PSD3: variants seen among roughly 807,000 people sequenced by gnomAD.
PSD3 encodes the protein pleckstrin and Sec7 domain containing 3.
PSD3 carries 49 observed loss-of-function variants against 105.5 expected under a neutral mutation model. The ratio of observed to expected loss-of-function variants is 0.46; its 90% CI spans 0.37 to 0.59. The LOEUF is 0.59. Among genes scored for constraint, PSD3 ranks in the 20% least tolerant of loss-of-function variants. The probability of loss-of-function intolerance (pLI) is 0.00; values close to 1 mark genes in which losing one functional copy is unlikely to be tolerated. For synonymous variants in PSD3, 557 were observed against 457.8 expected (o/e 1.22, Z -2.77); for missense variants, 1,561 against 1,263.8 (o/e 1.24, Z -3.57).
intron 12 of PSD3, among the ~76,000 whole-genome samples, chr8:18,592,416 G>A (rs1443934384): frequency 6.6e-6 from 1 of 152,046 alleles, no homozygotes; most frequent in Non-Finnish European, 1.5e-5. Flanking sequence ...GGAAATCCAA[G>A]AAAGAGCAGA....
chr8:18,987,379 C>G (rs899148491), intron 1 of PSD3, among the ~76,000 whole-genome samples: 1 of 151,892 alleles, frequency 6.6e-6, no homozygotes, highest in African/African-American at 2.4e-5. Context: ...GCTCTGCCTT[C>G]CAGGCTCACG....
intron 2 of PSD3, among the ~76,000 whole-genome samples, chr8:18,878,696 A>T (rs1221130347): frequency 6.6e-6 from 1 of 152,276 alleles, no homozygotes; most frequent in East Asian, 1.9e-4. Context: ...TCCTTAATTA[A>T]GCCTTCCCTT....
intron 12 of PSD3, among the ~76,000 whole-genome samples, chr8:18,581,161 C>T (rs1380776276): frequency 6.6e-6 from 1 of 152,152 alleles, no homozygotes; most frequent in Non-Finnish European, 1.5e-5. Flanking sequence ...ACCCAAATGT[C>T]AACCATGATG....
At chr8:18,912,950 G>A (rs1455546775) in intron 2 of PSD3, among the ~76,000 whole-genome samples, 1 of 151,928 alleles carries the variant, frequency 6.6e-6, no homozygotes, top group Non-Finnish European at 1.5e-5. Context: ...AAGGCACCCA[G>A]GGGATGTAGA....
chr8:18,942,929 C>A (rs1822642360), intron 1 of PSD3, among the ~76,000 whole-genome samples: 1 of 152,136 alleles, frequency 6.6e-6, no homozygotes, highest in African/African-American at 2.4e-5. Flanking sequence ...TTTTAATAAG[C>A]AAAAGGGTCT....
chr8:18,911,451 C>T (rs1563411231), intron 2 of PSD3, among the ~76,000 whole-genome samples: 1 of 152,078 alleles, frequency 6.6e-6, no homozygotes. Context: ...ATGGCAGACC[C>T]GTGACTTCCT....
In PSD3 at chr8:18,872,217, T is replaced by A; in HGVS notation, c.647A>T (p.Asp216Val). ...GTCTCCAGTTAACAGCGCGGTGAGATCTTTCTGGATGCTCAAATAAAAACT... is the reference window on the plus strand; with the variant it reads ...GTCTCCAGTTAACAGCGCGGTGAGAACTTTCTGGATGCTCAAATAAAAACT... ...EESFYLSIQK[D>V]LTALLTGDTQ... Residue 216 changes from aspartate (D) to valine (V), a missense_variant, in exon 3 of 16, where the codon GAT (aspartate) becomes GTT (valine). Coordinates refer to ENST00000327040, the MANE Select transcript of PSD3 (RefSeq NM_015310.4). The A allele has an allele frequency of 6.2e-7, 1 of 1,614,184 alleles. No homozygotes were observed. Among genetic ancestry groups the A allele is most frequent in the Non-Finnish European group, 8.5e-7 (1 of 1,180,036 alleles).
intron 14 of PSD3, among the ~76,000 whole-genome samples, chr8:18,564,642 A>C (rs967454399): frequency 4.0e-5 from 6 of 151,798 alleles, no homozygotes; most frequent in African/African-American, 7.3e-5. Flanking sequence ...AAAAAAAAAA[A>C]AAGATATTTA....
intron 1 of PSD3, among the ~76,000 whole-genome samples, chr8:18,959,487 T>C (rs914955062): frequency 6.6e-6 from 1 of 152,108 alleles, no homozygotes; most frequent in Non-Finnish European, 1.5e-5. Flanking sequence ...GCTCTGCACA[T>C]CTGACTCCAG....
chr8:18,723,844 T>C (rs1803163571), intron 9 of PSD3, among the ~76,000 whole-genome samples: 1 of 152,210 alleles, frequency 6.6e-6, no homozygotes, highest in Admixed American at 6.5e-5. Flanking sequence ...CCTGACAGTG[T>C]CACTGAAAAA....
At chr8:18,752,544 T>TATATATA (rs1805622002) in intron 9 of PSD3, among the ~76,000 whole-genome samples, 1 of 15,126 alleles carries the variant, frequency 6.6e-5, no homozygotes, top group African/African-American at 3.2e-4. Context: ...ATATTATATA[T>TATATATA]ATTATATATA....
intron 8 of PSD3, among the ~76,000 whole-genome samples, chr8:18,784,728 G>A (rs551922433): frequency 6.6e-6 from 1 of 152,162 alleles, no homozygotes; most frequent in Non-Finnish European, 1.5e-5. Flanking sequence ...CACAGAGTGA[G>A]GTCTGAAAAG....
chr8:18,589,944 A>G (rs1803473491), intron 12 of PSD3, among the ~76,000 whole-genome samples: 1 of 152,194 alleles, frequency 6.6e-6, no homozygotes, highest in Non-Finnish European at 1.5e-5. Context: ...ATTCCCTGCC[A>G]TAACATATTT....
intron 9 of PSD3, among the ~76,000 whole-genome samples, chr8:18,751,078 C>A (rs1324286949): frequency 2.0e-5 from 3 of 152,076 alleles, no homozygotes; most frequent in East Asian, 3.9e-4. Flanking sequence ...TGGACCTGGG[C>A]GCCGTGCAGC....
chr8:18,900,029 C>T (rs1188226988), intron 2 of PSD3, among the ~76,000 whole-genome samples: 1 of 152,108 alleles, frequency 6.6e-6, no homozygotes, highest in Non-Finnish European at 1.5e-5. Flanking sequence ...AAGAAAGAAA[C>T]CTGCCAGGCA....
At chr8:18,788,364 C>G (rs1021318681) in intron 8 of PSD3, among the ~76,000 whole-genome samples, 13 of 152,310 alleles carry the variant, frequency 8.5e-5, no homozygotes, top group African/African-American at 2.9e-4. Flanking sequence ...AAACCGTATA[C>G]AAGCTTCGGC....
At chr8:18,747,279 T>C (rs983013905) in intron 9 of PSD3, among the ~76,000 whole-genome samples, 4 of 152,224 alleles carry the variant, frequency 2.6e-5, no homozygotes, top group African/African-American at 9.6e-5. Context: ...TAATAAGCTT[T>C]TAATTAGATA....
chr8:18,699,573 C>T (rs1801455553), intron 9 of PSD3, among the ~76,000 whole-genome samples: 1 of 152,084 alleles, frequency 6.6e-6, no homozygotes, highest in Admixed American at 6.6e-5. Context: ...ACTCACTTGA[C>T]CGAATACTCT....
chr8:18,981,028 T>A (rs538737594), intron 1 of PSD3, among the ~76,000 whole-genome samples: 1 of 152,104 alleles, frequency 6.6e-6, no homozygotes, highest in Non-Finnish European at 1.5e-5. Flanking sequence ...TCAGAGTTAT[T>A]TGCACCCTGG....
Sources: gnomAD v4.1 joint callset for allele counts (sites outside exome capture counted in the v4.1 genomes callset) on GRCh38, gnomAD v4.1.1 for gene constraint, MANE v1.5 for transcripts, NCBI Gene and HGNC (gene_info 2026-07-23, HGNC 2026-07-21) for gene names.